DSE: variants seen among roughly 807,000 people sequenced by gnomAD.
DSE encodes the protein dermatan sulfate epimerase.
Under a neutral mutation model 84.4 loss-of-function variants are expected in DSE, and 36 were observed. The ratio of observed to expected loss-of-function variants is 0.43; its 90% CI spans 0.33 to 0.56. DSE has a LOEUF of 0.56. DSE is among the 20% of genes least tolerant of loss of function. The pLI is 0.06. For missense variants in DSE, 862 were observed against 1,169.6 expected (o/e 0.74, Z 3.84); for synonymous variants, 410 against 430.1 (o/e 0.95, Z 0.58).
At chr6:116,266,004 G>A (rs571794382) in intron 2 of DSE, among the ~76,000 whole-genome samples, 7 of 152,292 alleles carry the variant, frequency 4.6e-5, no homozygotes, top group African/African-American at 1.2e-4. Context: ...CAGAGGCCGC[G>A]TGAGAGTAGG....
chr6:116,412,049 A>AT (rs1206196434), intron 2 of DSE, among the ~76,000 whole-genome samples: 1 of 152,216 alleles, frequency 6.6e-6, no homozygotes, highest in African/African-American at 2.4e-5. Context: ...ATTTTTTATG[A>AT]TTCACAAAGA....
rs1048525368 is a variant in DSE, at chr6:116,440,851, C to G, written c.*3506C>G. ...ATGCTTTTTAAGCAAGTTTAGGGAA[C>G]TTGAGATGACCTGATTGAGACCCCT... On this transcript the variant is annotated 3_prime_UTR_variant, in exon 6 of 6. Coordinates refer to ENST00000644252, the MANE Select transcript of DSE (RefSeq NM_013352.4). 6.6e-6 allele frequency: 1 copy of G among 152,270 alleles called. No homozygotes were observed. Among genetic ancestry groups the G allele is most frequent in the East Asian group, 1.9e-4 (1 of 5,176 alleles). 9.4% of individuals were successfully genotyped at this position (152,270 alleles called of 1,614,324 possible). A position where few individuals can be genotyped will look rare whatever the true frequency, so the allele number is the denominator to read the frequency against.
upstream of DSE, chr6:116,370,351 AAG>A: frequency 1.7e-6 from 1 of 572,430 alleles, no homozygotes; most frequent in Non-Finnish European, 2.2e-6. Context: ...TACAGTAAAA[AAG>A]AGAACTGCTT....
intron 2 of DSE, among the ~76,000 whole-genome samples, chr6:116,418,501 G>C (rs2115041862): frequency 6.6e-6 from 1 of 152,188 alleles, no homozygotes; most frequent in South Asian, 2.1e-4. Flanking sequence ...AAATCTACAT[G>C]ATTGGTGTCT....
rs1773376907 is a variant in DSE at position 116,279,646 on chromosome 6, G to A, written c.-54+20679G>A. 1.9e-6 allele frequency: 3 copies of A among 1,605,062 alleles called. No homozygotes were observed. Among genetic ancestry groups the A allele is most frequent in the Non-Finnish European group, 1.7e-6 (2 of 1,179,666 alleles). On this transcript the variant is annotated intron_variant, in intron 2 of 3. Transcript: ENST00000430252. The stretch of plus-strand genomic sequence containing the variant: ...TACGCCCCCCTCCTCTGAAGGCGGT[G>A]GAGGCGGGAGCGCGACGGTCTCCGA...
chr6:116,374,305 A>G (rs1779789667), intron 1 of DSE, among the ~76,000 whole-genome samples: 1 of 152,206 alleles, frequency 6.6e-6, no homozygotes, highest in African/African-American at 2.4e-5. Context: ...TCCCCAAATA[A>G]AAAAAGAGAA....
At chr6:116,333,908 G>T (rs527814083) in intron 2 of DSE, among the ~76,000 whole-genome samples, 1 of 152,160 alleles carries the variant, frequency 6.6e-6, no homozygotes, top group South Asian at 2.1e-4. Context: ...GGAGATCGAG[G>T]CTGCAGTGAG....
chr6:116,279,173 G>A, intron 2 of DSE: 2 of 1,613,010 alleles, frequency 1.2e-6, no homozygotes, highest in Non-Finnish European at 8.5e-7. Context: ...AAAGGCCAGG[G>A]CCCTTCTTCC....
chr6:116,437,338 A>G lies in DSE; in HGVS notation c.2870A>G (p.Gln957Arg), dbSNP rs923403088. The G allele has an allele frequency of 1.2e-6, 2 of 1,607,802 alleles. No homozygotes were observed. The highest frequency in any genetic ancestry group is 1.3e-5 in the African/African-American group (1 of 74,676). Residue 957 changes from glutamine (Q) to arginine (R), a missense_variant, in exon 6 of 6, where the codon CAG (glutamine) becomes CGG (arginine). Physicochemically the swap from Gln to Arg is conservative, Grantham distance 43. Coordinates refer to ENST00000644252, the MANE Select transcript of DSE (RefSeq NM_013352.4). Reference sequence around the variant, plus strand: ...TTGTACTCTTCTTGTTCCCAATCACAGTGTTAGCACTGAAGCTATAAATTA... The same window carrying G: ...TTGTACTCTTCTTGTTCCCAATCACGGTGTTAGCACTGAAGCTATAAATTA... ...LWLYSSCSQSQC is the reference protein window; with the variant it reads ...LWLYSSCSQSRC
chr6:116,309,594 C>A (rs531347254), intron 2 of DSE, among the ~76,000 whole-genome samples: 1 of 152,280 alleles, frequency 6.6e-6, no homozygotes, highest in South Asian at 2.1e-4. Flanking sequence ...AACAAAATAT[C>A]TGAGACTAGG....
At chr6:116,322,203 T>C in intron 2 of DSE, among the ~76,000 whole-genome samples, 1 of 149,982 alleles carries the variant, frequency 6.7e-6, no homozygotes, top group Non-Finnish European at 1.5e-5. Context: ...TGCATTTCTA[T>C]ACAATGTCTG....
At chr6:116,339,134 T>C (rs1777440586) in intron 2 of DSE, among the ~76,000 whole-genome samples, 1 of 152,226 alleles carries the variant, frequency 6.6e-6, no homozygotes, top group Non-Finnish European at 1.5e-5. Flanking sequence ...ACCCCAGTCC[T>C]GTCCGTCTGT....
intron 2 of DSE, among the ~76,000 whole-genome samples, chr6:116,342,974 C>G (rs933363271): frequency 6.6e-6 from 1 of 152,188 alleles, no homozygotes; most frequent in African/African-American, 2.4e-5. Flanking sequence ...ATGGTCTTAG[C>G]AAATGGCACT....
At chr6:116,380,659 C>T (rs575555097) in intron 1 of DSE, among the ~76,000 whole-genome samples, 5 of 152,214 alleles carry the variant, frequency 3.3e-5, no homozygotes, top group African/African-American at 1.2e-4. Flanking sequence ...TTTGTATATT[C>T]TTTATTATTT....
At chr6:116,393,744 A>G (rs117732496) in intron 1 of DSE, among the ~76,000 whole-genome samples, 4,896 of 152,312 alleles carry the variant, frequency 0.032, 124 homozygotes, top group Middle Eastern at 0.095. Flanking sequence ...GGCACATATT[A>G]TAAGAGGGTT....
At position 116,260,543 on chromosome 6, in the gene DSE, A is replaced by G. The variant is rs138062078; in HGVS notation, c.-54+1576A>G. The stretch of plus-strand genomic sequence containing the variant: ...TGCAATTGTTTTTGGTGTCTCTGTC[A>G]TGAAATCTTTGTCCATTCCTATGTC... On this transcript the variant is annotated intron_variant, in intron 2 of 3. Coordinates refer to the DSE transcript ENST00000430252. 3.0e-3 allele frequency among the ~76,000 whole-genome samples: 459 copies of G among 152,336 alleles called. 3 individuals are homozygous for G. Among genetic ancestry groups the G allele is most frequent in the African/African-American group, 0.011 (440 of 41,574 alleles).
chr6:116,254,273 G>A (rs746601761), exon 1 of DSE: 31 of 671,308 alleles, frequency 4.6e-5, no homozygotes, highest in Admixed American at 1.0e-4. Flanking sequence ...TTACGTAAAT[G>A]GATGTAGACC....
At chr6:116,355,375 T>G (rs1464584803) in intron 2 of DSE, among the ~76,000 whole-genome samples, 1 of 152,210 alleles carries the variant, frequency 6.6e-6, no homozygotes, top group Non-Finnish European at 1.5e-5. Context: ...CTGTAGAGCC[T>G]CAGGTTACTG....
chr6:116,382,448 G>C (rs944661621), intron 1 of DSE, among the ~76,000 whole-genome samples: 1 of 152,144 alleles, frequency 6.6e-6, no homozygotes, highest in Non-Finnish European at 1.5e-5. Flanking sequence ...TTGCCATAAA[G>C]GGCTTTGGGA....
Sources: allele counts gnomAD v4.1 joint callset (sites outside exome capture counted in the v4.1 genomes callset), GRCh38; gene constraint gnomAD v4.1.1; transcripts MANE v1.5; gene names NCBI Gene and HGNC (gene_info 2026-07-23, HGNC 2026-07-21).